Variants in TMEM217B observed in about 807,000 individuals in gnomAD.
The protein encoded by TMEM217B is putative transmembrane protein 217B.
the TMEM217B span, among the ~76,000 whole-genome samples, chr6:37,235,588 G>A: frequency 3.0e-5 from 4 of 134,104 alleles, no homozygotes; most frequent in South Asian, 2.7e-4. Flanking sequence ...GGATGGTCTC[G>A]ATCTCCTGAC....
the TMEM217B span, among the ~76,000 whole-genome samples, chr6:37,253,838 TC>T: frequency 6.6e-6 from 1 of 152,180 alleles, no homozygotes; most frequent in Non-Finnish European, 1.5e-5. Flanking sequence ...TCCTTTTCTC[TC>T]CCTACTCAAG....
the TMEM217B span, among the ~76,000 whole-genome samples, chr6:37,222,980 A>G: frequency 6.6e-6 from 1 of 152,266 alleles, no homozygotes; most frequent in Non-Finnish European, 1.5e-5. Context: ...TCAGTATCTG[A>G]AATTAAAAAT....
the TMEM217B span, among the ~76,000 whole-genome samples, chr6:37,231,799 AT>A: frequency 5.1e-3 from 745 of 145,404 alleles, 6 homozygotes; most frequent in Middle Eastern, 0.04. Flanking sequence ...TAAATGTACA[AT>A]TTTTTTTTTT....
chr6:37,218,807 G>A, the TMEM217B span: 3 of 1,614,098 alleles, frequency 1.9e-6, no homozygotes, highest in South Asian at 2.2e-5. Context: ...GATGAGGATG[G>A]TGATGAAAGA....
At chr6:37,216,944 TTGAA>T in the TMEM217B span, among the ~76,000 whole-genome samples, 1 of 152,182 alleles carries the variant, frequency 6.6e-6, no homozygotes, top group Non-Finnish European at 1.5e-5. Context: ...CACCTTGATA[TTGAA>T]CTTCTAGCCT....
the TMEM217B span, among the ~76,000 whole-genome samples, chr6:37,230,547 G>A: frequency 6.6e-6 from 1 of 152,096 alleles, no homozygotes; most frequent in Non-Finnish European, 1.5e-5. Context: ...GAGAAGATTA[G>A]GACACAGACA....
At chr6:37,248,403 A>G in the TMEM217B span, among the ~76,000 whole-genome samples, 1 of 152,136 alleles carries the variant, frequency 6.6e-6, no homozygotes, top group Non-Finnish European at 1.5e-5. Context: ...ACCTGAGGCA[A>G]AATCATATGT....
chr6:37,213,763 G>A, the TMEM217B span, among the ~76,000 whole-genome samples: 12 of 152,372 alleles, frequency 7.9e-5, no homozygotes, highest in Admixed American at 7.8e-4. Flanking sequence ...GGCTGGAGTA[G>A]GCTGGGCCTA....
the TMEM217B span, among the ~76,000 whole-genome samples, chr6:37,233,509 G>A: frequency 3.3e-5 from 5 of 152,194 alleles, no homozygotes; most frequent in African/African-American, 4.8e-5. Flanking sequence ...AAGGGCAAGA[G>A]GCAGCTCTCT....
At chr6:37,257,140 G>A in the TMEM217B span, among the ~76,000 whole-genome samples, 1 of 152,168 alleles carries the variant, frequency 6.6e-6, no homozygotes, top group African/African-American at 2.4e-5. Flanking sequence ...TATATACACT[G>A]TTAGCATAGT....
chr6:37,215,288 CAAAT>C, the TMEM217B span: 17 of 1,609,322 alleles, frequency 1.1e-5, no homozygotes, highest in Non-Finnish European at 1.4e-5. Flanking sequence ...GGAAGCTAGA[CAAAT>C]AAAAAAACAA....
At chr6:37,246,125 G>A in the TMEM217B span, among the ~76,000 whole-genome samples, 2 of 152,156 alleles carry the variant, frequency 1.3e-5, no homozygotes, top group Non-Finnish European at 2.9e-5. Context: ...TTTCTTGACA[G>A]CTAAGTTTCT....
chr6:37,215,046 C>A, the TMEM217B span: 1 of 882,120 alleles, frequency 1.1e-6, no homozygotes, highest in Non-Finnish European at 1.7e-6. Flanking sequence ...AAGGAAATGT[C>A]TGTATAAAGC....
the TMEM217B span, among the ~76,000 whole-genome samples, chr6:37,246,931 G>A: frequency 2.0e-5 from 3 of 152,176 alleles, no homozygotes; most frequent in South Asian, 2.1e-4. Context: ...CTCAGAAGAT[G>A]GGGAGACAGC....
chr6:37,230,367 G>C, the TMEM217B span, among the ~76,000 whole-genome samples: 1 of 152,216 alleles, frequency 6.6e-6, no homozygotes, highest in Non-Finnish European at 1.5e-5. Flanking sequence ...CATAAGGGCT[G>C]TTATGGGCTG....
chr6:37,242,814 TTGTGGTCATAAGC>T, the TMEM217B span, among the ~76,000 whole-genome samples: 1 of 152,210 alleles, frequency 6.6e-6, no homozygotes, highest in Non-Finnish European at 1.5e-5. Flanking sequence ...GGCCTTACTT[TTGTGGTCATAAGC>T]TGACTGCCCC....
the TMEM217B span, among the ~76,000 whole-genome samples, chr6:37,248,997 T>C: frequency 2.2e-4 from 34 of 152,318 alleles, no homozygotes; most frequent in East Asian, 6.4e-3. Context: ...GCTGCATCAC[T>C]CCAATCTGCC....
chr6:37,245,944 C>G, the TMEM217B span, among the ~76,000 whole-genome samples: 29 of 152,134 alleles, frequency 1.9e-4, no homozygotes, highest in East Asian at 5.2e-3. Flanking sequence ...TAATCACAGG[C>G]GTGCACCACC....
the TMEM217B span, among the ~76,000 whole-genome samples, chr6:37,222,897 T>C: frequency 3.9e-5 from 6 of 151,912 alleles, no homozygotes; most frequent in African/African-American, 1.5e-4. Flanking sequence ...ACAGCCGGAG[T>C]GATGGTAGCA....
Sources: allele counts gnomAD v4.1 joint callset (sites outside exome capture counted in the v4.1 genomes callset), GRCh38; gene constraint gnomAD v4.1.1; transcripts MANE v1.5; gene names NCBI Gene and HGNC (gene_info 2026-07-23, HGNC 2026-07-21).